The following ARFGEF1 variants were observed in gnomAD, a reference collection of about 807,000 sequenced individuals.
ARFGEF1 encodes brefeldin A-inhibited guanine nucleotide-exchange protein 1.
In ARFGEF1, 42 loss-of-function variants were observed where a neutral mutation model predicts 231.0. The ratio of observed to expected loss-of-function variants is 0.18; its 90% CI spans 0.14 to 0.24. ARFGEF1 has a LOEUF of 0.24. Among genes scored for constraint, ARFGEF1 ranks in the 10% least tolerant of loss-of-function variants. ARFGEF1 has a pLI of 1.00. For synonymous variants in ARFGEF1, 710 were observed against 732.3 expected (o/e 0.97, Z 0.49); for missense variants, 1,345 against 2,192.0 (o/e 0.61, Z 7.72).
In ARFGEF1 at chr8:67,292,089, T is replaced by A; in HGVS notation, c.674A>T (p.His225Leu). 1.2e-6 allele frequency: 2 copies of A among 1,613,462 alleles called. No individual in the cohort carries two copies. Among genetic ancestry groups the A allele is most frequent in the South Asian group, 2.2e-5 (2 of 90,804 alleles). ...QEAKQMEKER[H>L]RQHHHLLQSP... ...CTGTAACAGATGATGATGCTGCCGA[T>A]GCCTTTCTTTTTCCATTTGTTTTGC... Residue 225 changes from histidine (H) to leucine (L), a missense_variant, in exon 6 of 39, where the codon CAT (histidine) becomes CTT (leucine). Transcript: ENST00000262215.
At chr8:67,209,064 A>T (rs1838627284) in intron 34 of ARFGEF1, among the ~76,000 whole-genome samples, 1 of 152,240 alleles carries the variant, frequency 6.6e-6, no homozygotes, top group Non-Finnish European at 1.5e-5. Flanking sequence ...GAATTACCCT[A>T]TGAGCTAGCA....
intron 6 of ARFGEF1, among the ~76,000 whole-genome samples, 167 bp from the exon 7 acceptor site, chr8:67,288,232 C>G (rs760284839): frequency 6.6e-6 from 1 of 151,772 alleles, no homozygotes; most frequent in Admixed American, 6.6e-5. Flanking sequence ...AAAATGTATA[C>G]CAAAACTTAA....
intron 7 of ARFGEF1, among the ~76,000 whole-genome samples, chr8:67,283,026 T>C (rs928158886): frequency 7.2e-5 from 11 of 151,820 alleles, no homozygotes; most frequent in South Asian, 2.1e-4. Context: ...AAGACAAGAA[T>C]AGTAATTCAA....
chr8:67,205,866 AAAT>A (rs1563835198), intron 34 of ARFGEF1, among the ~76,000 whole-genome samples: 5 of 128,642 alleles, frequency 3.9e-5, no homozygotes, highest in African/African-American at 1.9e-4. Flanking sequence ...TCAAAAAAAT[AAAT>A]AAATAAATAA....
chr8:67,317,978 C>CTGTAA (rs1462130336), intron 1 of ARFGEF1, among the ~76,000 whole-genome samples: 1 of 151,720 alleles, frequency 6.6e-6, no homozygotes, highest in Non-Finnish European at 1.5e-5. Context: ...TGGCTCACAC[C>CTGTAA]TGTAATTCCA....
Position 67,267,234 on chromosome 8 carries a change from T to A in ARFGEF1, c.1673-4A>T. 6.2e-7 allele frequency: 1 copy of A among 1,610,746 alleles called. No individual in the cohort carries two copies. Among genetic ancestry groups the A allele is most frequent in the South Asian group, 1.1e-5 (1 of 90,086 alleles). On this transcript the variant is annotated splice_region_variant and splice_polypyrimidine_tract_variant and intron_variant, in intron 11 of 38. Coordinates refer to ENST00000262215, the MANE Select transcript of ARFGEF1 (RefSeq NM_006421.5). The stretch of plus-strand genomic sequence containing the variant: ...ATATCCACTACACTCTGAGCATCTG[T>A]AACAATATAACATTAATTTCAACAA...
chr8:67,185,691 G>C (rs1483475483), intron 5 of ARFGEF1, among the ~76,000 whole-genome samples: 1 of 152,192 alleles, frequency 6.6e-6, no homozygotes, highest in Non-Finnish European at 1.5e-5. Flanking sequence ...GGAGGTGGTA[G>C]CAAGGTTCCA....
chr8:67,343,477 G>A lies in ARFGEF1; in HGVS notation c.-190C>T, dbSNP rs1808758757. On this transcript the variant is annotated 5_prime_UTR_variant, in exon 1 of 39. The change creates a new upstream start codon in the 5' untranslated region. Transcript: ENST00000262215. ...ACCAGCCGCGGTGTCGGCGAAGGGC[G>A]TCGAGGTCCTCGCCGCCCCCAAGAA... The A allele has an allele frequency of 1.5e-6, 2 of 1,309,194 alleles. No homozygotes were observed. Among genetic ancestry groups the A allele is most frequent in the Non-Finnish European group, 1.9e-6 (2 of 1,026,172 alleles). 81.1% of individuals were successfully genotyped at this position (1,309,194 alleles called of 1,614,324 possible).
intron 33 of ARFGEF1, among the ~76,000 whole-genome samples, chr8:67,214,141 T>C (rs1257069046): frequency 6.6e-6 from 1 of 152,122 alleles, no homozygotes; most frequent in Non-Finnish European, 1.5e-5. Context: ...GGAAGTGCAA[T>C]GTGTGAGAGA....
At chr8:67,339,011 C>T (rs915096264) in intron 1 of ARFGEF1, among the ~76,000 whole-genome samples, 1 of 152,110 alleles carries the variant, frequency 6.6e-6, no homozygotes, top group African/African-American at 2.4e-5. Context: ...TTTATAACTC[C>T]ACCAACAAAA....
chr8:67,318,312 T>G (rs908788693), intron 1 of ARFGEF1, among the ~76,000 whole-genome samples: 2 of 150,766 alleles, frequency 1.3e-5, no homozygotes, highest in South Asian at 4.2e-4. Context: ...GAAAAATCAT[T>G]TGACAAAATT....
chr8:67,183,304 T>A (rs372347827), intron 5 of ARFGEF1, among the ~76,000 whole-genome samples: 7 of 152,210 alleles, frequency 4.6e-5, no homozygotes, highest in Non-Finnish European at 8.8e-5. Context: ...CTGGATATAA[T>A]GGATGTCGAA....
At chr8:67,175,097 C>T, downstream of ARFGEF1, 1 of 544,356 alleles carries the variant, frequency 1.8e-6, no homozygotes, top group Non-Finnish European at 3.3e-6. Context: ...TGTGAAAAGA[C>T]ACTTATTAAA....
At chr8:67,210,280 T>A (rs1005104394) in intron 34 of ARFGEF1, among the ~76,000 whole-genome samples, 3 of 149,936 alleles carry the variant, frequency 2.0e-5, no homozygotes, top group African/African-American at 7.4e-5. Context: ...GAGTTCAAGA[T>A]CAGCCTGGGC....
intron 7 of ARFGEF1, among the ~76,000 whole-genome samples, chr8:67,279,539 C>A (rs1358659229): frequency 6.6e-6 from 1 of 152,190 alleles, no homozygotes; most frequent in African/African-American, 2.4e-5. Context: ...TGTTCATTTT[C>A]TTCCCTCTTT....
chr8:67,279,911 T>C (rs1365661379), intron 7 of ARFGEF1, among the ~76,000 whole-genome samples: 3 of 152,128 alleles, frequency 2.0e-5, no homozygotes, highest in African/African-American at 7.2e-5. Context: ...CCTTTAAACA[T>C]AGATGCAAAC....
downstream of ARFGEF1, among the ~76,000 whole-genome samples, chr8:67,193,823 T>G (rs1396312410): frequency 6.6e-6 from 1 of 152,252 alleles, no homozygotes; most frequent in African/African-American, 2.4e-5. Flanking sequence ...TAGAGTGGAG[T>G]CTAAACAGGT....
intron 33 of ARFGEF1, among the ~76,000 whole-genome samples, chr8:67,212,152 G>A (rs536619720): frequency 3.3e-5 from 5 of 152,170 alleles, no homozygotes; most frequent in South Asian, 2.1e-4. Flanking sequence ...GCGCGATCTC[G>A]GCTCACCGTG....
chr8:67,298,385 C>T (rs1336129359), intron 4 of ARFGEF1, among the ~76,000 whole-genome samples: 1 of 152,200 alleles, frequency 6.6e-6, no homozygotes, highest in Non-Finnish European at 1.5e-5. Context: ...CAAACAAGTA[C>T]GTTACAGCAC....
Sources: allele counts gnomAD v4.1 joint callset (sites outside exome capture counted in the v4.1 genomes callset), GRCh38; gene constraint gnomAD v4.1.1; transcripts MANE v1.5; gene names NCBI Gene and HGNC (gene_info 2026-07-23, HGNC 2026-07-21).